Variants in MAPK8IP3 observed in about 807,000 individuals in gnomAD.
MAPK8IP3 encodes the protein C-Jun-amino-terminal kinase-interacting protein 3.
A neutral mutation model predicts 157.8 loss-of-function variants in MAPK8IP3; 49 were observed. That is an observed-to-expected ratio of 0.31 (90% CI 0.25 to 0.39). The LOEUF (loss-of-function observed/expected upper bound fraction) is 0.39. MAPK8IP3 is among the 10% of genes least tolerant of loss of function. MAPK8IP3 has a pLI of 1.00. For missense variants in MAPK8IP3, 1,478 were observed against 1,889.4 expected, an observed-to-expected ratio of 0.78 and a Z score of 4.04; for synonymous variants, 897 against 777.7, an observed-to-expected ratio of 1.15 and a Z score of -2.55.
intron 1 of MAPK8IP3, among the ~76,000 whole-genome samples, chr16:1,721,201 C>T (rs1442261670): frequency 6.2e-5 from 9 of 146,116 alleles, no homozygotes; most frequent in African/African-American, 1.3e-4. Context: ...GATGTGGTGG[C>T]GCATGCCTGT....
intron 8 of MAPK8IP3, among the ~76,000 whole-genome samples, chr16:1,750,058 G>T (rs1213015401): frequency 6.6e-6 from 1 of 152,076 alleles, no homozygotes; most frequent in African/African-American, 2.4e-5. Flanking sequence ...TTGGTGCTGT[G>T]AATTTTCTGT....
rs1262542895 is a variant in MAPK8IP3, at chr16:1,744,866, C to T, written c.747+1390C>T. 11 of 959,748 alleles carry T rather than the reference C, an allele frequency of 1.1e-5. No individual in the cohort carries two copies. The East Asian group carries it at 3.4e-4, about 30-fold the overall frequency. 59.5% of individuals were successfully genotyped at this position (959,748 alleles called of 1,614,324 possible). On this transcript the variant is annotated intron_variant, in intron 5 of 31. Coordinates refer to ENST00000610761, the MANE Select transcript of MAPK8IP3 (RefSeq NM_001318852.2). ...GATTTTTCTTTATTTTAAATTATTA[C>T]ATTTAAGTTCTTTTTATTTTATGCT...
chr16:1,732,113 G>A (rs912370790), intron 4 of MAPK8IP3, among the ~76,000 whole-genome samples: 4 of 152,206 alleles, frequency 2.6e-5, no homozygotes, highest in Admixed American at 1.3e-4. Context: ...CCAGGGGACC[G>A]GCCATGGGAG....
intron 8 of MAPK8IP3, among the ~76,000 whole-genome samples, chr16:1,757,573 C>T (rs963400533): frequency 3.3e-5 from 5 of 152,196 alleles, no homozygotes; most frequent in Non-Finnish European, 5.9e-5. Context: ...GCCCGCCCCA[C>T]GCTCCCCAGC....
chr16:1,706,949 G>A lies in MAPK8IP3; in HGVS notation c.318+292G>A, dbSNP rs1245454844. On this transcript the variant is annotated intron_variant, in intron 1 of 31. Coordinates refer to ENST00000610761, the MANE Select transcript of MAPK8IP3 (RefSeq NM_001318852.2). The surrounding 1 kb of genome is among the most constrained non-coding windows in gnomAD (Gnocchi z 5.1). ...CCTTTTCCGCCCAGGCCTGGGCCCTGGCCCCCTCCTCCGTGCCCCCAGCCC... is the reference window on the plus strand; with the variant it reads ...CCTTTTCCGCCCAGGCCTGGGCCCTAGCCCCCTCCTCCGTGCCCCCAGCCC... Among the ~76,000 whole-genome samples, 3 of 144,752 alleles carry A rather than the reference G, an allele frequency of 2.1e-5. No individual in the cohort carries two copies. Among genetic ancestry groups the A allele is most frequent in the Non-Finnish European group, 4.5e-5 (3 of 66,154 alleles). The allele number at this position is 144,752 out of a possible 152,430, so 95.0% of individuals were successfully genotyped here.
At chr16:1,712,053 T>TG (rs1179037632) in intron 1 of MAPK8IP3, among the ~76,000 whole-genome samples, 1 of 100,828 alleles carries the variant, frequency 9.9e-6, no homozygotes, top group Non-Finnish European at 2.2e-5. Flanking sequence ...CAGGAGTTCT[T>TG]TTTTTTTTTT....
chr16:1,724,725 T>A lies in MAPK8IP3; in HGVS notation c.439+48T>A, dbSNP rs754813045. 57 of 1,592,328 alleles carry A rather than the reference T, an allele frequency of 3.6e-5. No homozygotes were observed. The highest frequency in any genetic ancestry group is 4.6e-5 in the Non-Finnish European group (54 of 1,166,756). On this transcript the variant is annotated intron_variant, in intron 2 of 31. Coordinates refer to ENST00000610761, the MANE Select transcript of MAPK8IP3 (RefSeq NM_001318852.2). The surrounding 1 kb of genome is among the most constrained non-coding windows in gnomAD (Gnocchi z 4.1). ...GAGGCGCGCTTGATGGGCGCTGCTC[T>A]GGGACGGCTCTGGTTGGGGTGGGCA... is the stretch of plus-strand genomic sequence containing the variant.
intron 4 of MAPK8IP3, among the ~76,000 whole-genome samples, chr16:1,730,810 T>C (rs2039261485): frequency 1.4e-5 from 2 of 141,268 alleles, no homozygotes; most frequent in African/African-American, 5.4e-5. Flanking sequence ...ACCACTGCAC[T>C]CCAGCCTGGG....
At chr16:1,709,167 A>G (rs2037592372) in intron 1 of MAPK8IP3, among the ~76,000 whole-genome samples, 1 of 152,224 alleles carries the variant, frequency 6.6e-6, no homozygotes, top group Admixed American at 6.5e-5. Flanking sequence ...ACCTGAGCAG[A>G]GCAGACATCC....
chr16:1,725,147 G>A (rs977076106), intron 2 of MAPK8IP3, among the ~76,000 whole-genome samples: 1 of 125,330 alleles, frequency 8.0e-6, no homozygotes, highest in African/African-American at 3.5e-5. Context: ...TAGCAGAAAG[G>A]GTTTATTATT....
chr16:1,711,975 G>A (rs898466885), intron 1 of MAPK8IP3, among the ~76,000 whole-genome samples: 1 of 147,960 alleles, frequency 6.8e-6, no homozygotes, highest in African/African-American at 2.5e-5. Flanking sequence ...AAAGAAAACT[G>A]AGGTCCCGAG....
chr16:1,726,956 G>A (rs547639442), intron 2 of MAPK8IP3, among the ~76,000 whole-genome samples: 143 of 152,286 alleles, frequency 9.4e-4, no homozygotes, highest in Non-Finnish European at 1.6e-3. Flanking sequence ...TCTATAACTC[G>A]TGTGCTGTGT....
At position 1,706,469 on chromosome 16, in the gene MAPK8IP3, A is replaced by G; in HGVS notation, c.130A>G (p.Ile44Val). ...CATCTACCGCGAGTTCGAGCGCCTC[A>G]TCCACTGCTACGACGAGGAGGTGGT... ...GSIYREFERL[I>V]HCYDEEVVKE... Residue 44 changes from isoleucine (I) to valine (V), a missense_variant, in exon 1 of 32, where the codon ATC becomes GTC. This residue lies in a region of MAPK8IP3 where 65 missense variants were observed against 161.8 expected (regional missense o/e 0.40). Coordinates refer to ENST00000610761, the MANE Select transcript of MAPK8IP3 (RefSeq NM_001318852.2). The surrounding 1 kb of genome is among the most constrained non-coding windows in gnomAD (Gnocchi z 5.1). The G allele has an allele frequency of 6.2e-7, 1 of 1,614,040 alleles. No homozygotes were observed. The highest frequency in any genetic ancestry group is 8.5e-7 in the Non-Finnish European group (1 of 1,179,978).
At position 1,743,660 on chromosome 16, in the gene MAPK8IP3, G is replaced by T. The variant is rs1014020102; in HGVS notation, c.747+184G>T. On this transcript the variant is annotated intron_variant, in intron 5 of 31. Coordinates refer to ENST00000610761, the MANE Select transcript of MAPK8IP3 (RefSeq NM_001318852.2). This position sits in a 1 kb window ranked among gnomAD's most constrained non-coding sequence, Gnocchi z 5.6. ...GTCAGGGGCTCAGGCTGCCCAGCAG[G>T]CCCTGTGTGGCTGTGGCTGTTCCAC... 7 of 1,426,068 alleles carry T rather than the reference G, an allele frequency of 4.9e-6. No homozygotes were observed. Among genetic ancestry groups the T allele is most frequent in the Non-Finnish European group, 6.4e-6 (7 of 1,098,424 alleles). 88.3% of individuals were successfully genotyped at this position (1,426,068 alleles called of 1,614,324 possible).
At chr16:1,730,044 CAA>C (rs58933347) in intron 4 of MAPK8IP3, among the ~76,000 whole-genome samples, 75 of 46,960 alleles carry the variant, frequency 1.6e-3, no homozygotes, top group African/African-American at 4.1e-3. Context: ...CTTGTCTCTA[CAA>C]AAAAAAAAAA....
intron 5 of MAPK8IP3, chr16:1,744,195 G>T: frequency 2.0e-6 from 2 of 985,612 alleles, no homozygotes; most frequent in Non-Finnish European, 2.4e-6. Flanking sequence ...GCCAGGTAAG[G>T]ACAGCCACCT....
chr16:1,768,739 G>C lies in MAPK8IP3; in HGVS notation c.3929G>C (p.Gly1310Ala). 4 of 1,612,796 alleles carry C rather than the reference G, an allele frequency of 2.5e-6. No individual in the cohort carries two copies. Among genetic ancestry groups the C allele is most frequent in the Non-Finnish European group, 3.4e-6 (4 of 1,179,862 alleles). Residue 1310 changes from glycine to alanine, a missense_variant, in exon 32 of 32, where the codon GGG becomes GCG. Transcript: ENST00000610761. ...GEDDETEEGA[G>A]DMSQVKPVLS... The stretch of plus-strand genomic sequence containing the variant: ...GACGACGAGACGGAGGAGGGCGCAG[G>C]GGACATGAGCCAGGTGAAGCCCGTG...
chr16:1,724,527 G>T lies in MAPK8IP3; in HGVS notation c.319-30G>T. ...CGGCTGCTCCACACTCACTCCTGATGACTGCTCTTTCCCTCCCTTCCATGC... is the reference window on the plus strand; with the variant it reads ...CGGCTGCTCCACACTCACTCCTGATTACTGCTCTTTCCCTCCCTTCCATGC... On this transcript the variant is annotated intron_variant, in intron 1 of 31. Coordinates refer to ENST00000610761, the MANE Select transcript of MAPK8IP3 (RefSeq NM_001318852.2). This position sits in a 1 kb window ranked among gnomAD's most constrained non-coding sequence, Gnocchi z 4.1. 3 of 1,610,040 alleles carry T rather than the reference G, an allele frequency of 1.9e-6. No individual in the cohort carries two copies. The highest frequency in any genetic ancestry group is 1.1e-5 in the South Asian group (1 of 90,878).
In MAPK8IP3 at chr16:1,766,033, A is replaced by T; in HGVS notation, c.2520A>T (p.Ala840=). The T allele has an allele frequency of 3.1e-6, 5 of 1,612,856 alleles. No individual in the cohort carries two copies. The highest frequency in any genetic ancestry group is 4.2e-6 in the Non-Finnish European group (5 of 1,179,948). The change falls in exon 21 of 32, where the codon GCA becomes GCT. Residue 840 remains alanine, a synonymous_variant. Transcript: ENST00000610761. Reference sequence around the variant, plus strand: ...ACGTGAACCCAGAGGACCCGGGCGCAGATGGCGTGCTGGCCGGTATCACCC... The same window carrying T: ...ACGTGAACCCAGAGGACCCGGGCGCTGATGGCGTGCTGGCCGGTATCACCC... ...DSDVNPEDPG[A]DGVLAGITLV...
Sources: gnomAD v4.1 joint callset for allele counts (sites outside exome capture counted in the v4.1 genomes callset) on GRCh38, gnomAD v4.1.1 for gene constraint, gnomAD v4.1.1 regional missense constraint, Gnocchi (gnomAD v3.1) non-coding constraint, MANE v1.5 for transcripts, NCBI Gene and HGNC (gene_info 2026-07-23, HGNC 2026-07-21) for gene names.